Variants in C2CD5 observed in about 807,000 individuals in gnomAD.
C2CD5 encodes the protein C2 calcium dependent domain containing 5.
C2CD5 carries 109 observed loss-of-function variants against 130.3 expected under a neutral mutation model. The ratio of observed to expected loss-of-function variants is 0.84; its 90% CI spans 0.72 to 0.98. C2CD5 has a LOEUF of 0.98. C2CD5 is among the 50% of genes least tolerant of loss of function. The probability of loss-of-function intolerance (pLI) is 0.00; values close to 1 mark genes in which losing one functional copy is unlikely to be tolerated. For synonymous variants in C2CD5, 454 were observed against 429.2 expected, an observed-to-expected ratio of 1.06 and a Z score of -0.71; for missense variants, 996 against 1,261.8, an observed-to-expected ratio of 0.79 and a Z score of 3.19.
chr12:22,503,099 A>T (rs535437318), intron 10 of C2CD5, among the ~76,000 whole-genome samples: 1 of 152,292 alleles, frequency 6.6e-6, no homozygotes, highest in Admixed American at 6.5e-5. Context: ...ATGTTCTTTA[A>T]AAAAGCCTCC....
Position 22,484,710 on chromosome 12 carries a change from G to C in C2CD5, c.1537C>G (p.Leu513Val), listed in dbSNP as rs780993048. ...TCACAAACATACCTTGCTTGAATAA[G>C]ACAACCTTTTCCAATAACTGTTGCA... ...TDATVIGKGC[L>V]IQARLCRLKK... Residue 513 changes from leucine (L) to valine (V), a missense_variant, in exon 13 of 27, where the codon CTT (leucine) becomes GTT (valine). Coordinates refer to ENST00000446597, the MANE Select transcript of C2CD5 (RefSeq NM_001286176.2). The C allele has an allele frequency of 6.3e-7, 1 of 1,587,722 alleles. No homozygotes were observed. Among genetic ancestry groups the C allele is most frequent in the Admixed American group, 1.8e-5 (1 of 55,538 alleles).
At chr12:22,470,422 T>C (rs1335960588) in intron 21 of C2CD5, among the ~76,000 whole-genome samples, 1 of 152,092 alleles carries the variant, frequency 6.6e-6, no homozygotes, top group South Asian at 2.1e-4. Flanking sequence ...GCCACCTTTG[T>C]GAATCTGTTG....
chr12:22,474,879 C>T lies in C2CD5; in HGVS notation c.1915G>A (p.Glu639Lys), dbSNP rs1943614563. 6.3e-6 allele frequency: 10 copies of T among 1,575,620 alleles called. No individual in the cohort carries two copies. The highest frequency in any genetic ancestry group is 8.6e-6 in the Non-Finnish European group (10 of 1,160,690). ...TCTGGGATGGGTGATCCTATAATCT[C>T]TTCAGATATCTCCTAAAAGAAATAT... ...YEINPPEISEEIIGSPIPEPR... is the reference protein window; with the variant it reads ...YEINPPEISEKIIGSPIPEPR... Residue 639 changes from glutamate to lysine, a missense_variant, in exon 16 of 27, where the codon GAG (glutamate) becomes AAG (lysine). Glu to Lys is a moderately conservative substitution (Grantham distance 56). This residue lies in a region of C2CD5 where 590 missense variants were observed against 631.4 expected (regional missense o/e 0.93). Transcript: ENST00000446597.
chr12:22,485,792 T>A (rs1354215898), intron 12 of C2CD5, among the ~76,000 whole-genome samples: 1 of 152,056 alleles, frequency 6.6e-6, no homozygotes. Context: ...ACATAAGGCA[T>A]AAAAATAAAA....
intron 2 of C2CD5, among the ~76,000 whole-genome samples, chr12:22,536,769 A>T (rs1214469260): frequency 1.3e-5 from 2 of 152,176 alleles, no homozygotes; most frequent in African/African-American, 4.8e-5. Flanking sequence ...TGGTGTAAGA[A>T]GAAAGTAAGG....
chr12:22,516,442 C>T (rs146809875), intron 8 of C2CD5, among the ~76,000 whole-genome samples: 1 of 150,884 alleles, frequency 6.6e-6, no homozygotes, highest in Non-Finnish European at 1.5e-5. Context: ...GAGAATAACA[C>T]CCCATTTGAG....
intron 12 of C2CD5, among the ~76,000 whole-genome samples, chr12:22,485,384 GC>G (rs1945344493): frequency 6.6e-6 from 1 of 151,658 alleles, no homozygotes; most frequent in African/African-American, 2.4e-5. Context: ...ATAAGACCTA[GC>G]GTTTGATAGC....
chr12:22,500,826 T>TC (rs11368521), intron 10 of C2CD5, among the ~76,000 whole-genome samples: 24,171 of 152,120 alleles, frequency 0.16, 3,815 homozygotes, highest in African/African-American at 0.41. Flanking sequence ...ATTTTTCTTT[T>TC]TCTTGGAAGT....
rs1385712951 is a variant in C2CD5, at chr12:22,482,090, C to T, written c.1737+467G>A. On this transcript the variant is annotated intron_variant, in intron 14 of 26. Coordinates refer to ENST00000446597, the MANE Select transcript of C2CD5 (RefSeq NM_001286176.2). ...CATCCTGGGGTAATTTTGCTCCACT[C>T]ACCAAGGGACATTTGGCAATTTCTG... Among the ~76,000 whole-genome samples the T allele has an allele frequency of 2.0e-5, 3 of 152,110 alleles. No homozygotes were observed. The South Asian group carries it at 6.2e-4, about 32-fold the overall frequency.
chr12:22,504,257 C>T (rs989485252), intron 10 of C2CD5, among the ~76,000 whole-genome samples: 1 of 151,466 alleles, frequency 6.6e-6, no homozygotes, highest in Non-Finnish European at 1.5e-5. Flanking sequence ...CTATAGCTTA[C>T]TCAGAGTACA....
At chr12:22,466,935 T>C (rs377052715) in intron 22 of C2CD5, among the ~76,000 whole-genome samples, 57 of 152,316 alleles carry the variant, frequency 3.7e-4, no homozygotes, top group African/African-American at 1.3e-3. Flanking sequence ...TTTGAGACCC[T>C]TTCTTCAAGT....
chr12:22,473,427 G>C (rs1943356572), intron 16 of C2CD5, among the ~76,000 whole-genome samples: 1 of 152,086 alleles, frequency 6.6e-6, no homozygotes, highest in African/African-American at 2.4e-5. Context: ...CACTTCACGT[G>C]GCTACCCACA....
intron 11 of C2CD5, among the ~76,000 whole-genome samples, chr12:22,491,003 T>C (rs998933694): frequency 6.6e-6 from 1 of 152,092 alleles, no homozygotes; most frequent in Non-Finnish European, 1.5e-5. Context: ...AGGCTTAAAG[T>C]GTAGGTAGGA....
intron 15 of C2CD5, among the ~76,000 whole-genome samples, chr12:22,475,541 G>A (rs988387730): frequency 4.6e-5 from 7 of 151,972 alleles, no homozygotes; most frequent in African/African-American, 1.2e-4. Context: ...AGTGTCTGTC[G>A]GCCACAAGGA....
chr12:22,516,798 T>C (rs1215727724), intron 8 of C2CD5, among the ~76,000 whole-genome samples: 2 of 151,808 alleles, frequency 1.3e-5, no homozygotes, highest in Non-Finnish European at 2.9e-5. Context: ...CAGAGCCTCT[T>C]ACTCTTTATC....
chr12:22,482,735 C>A lies in C2CD5; in HGVS notation c.1559G>T (p.Arg520Leu). ...KGCLIQARLC[R>L]LKKKAQAEAN... is the part of the protein sequence containing the mutation. The stretch of plus-strand genomic sequence containing the variant: ...TTCTGCCTGTGCTTTCTTTTTTAAG[C>A]GACATAACCTGTAAAGGAAAATAAG... The change falls in exon 14 of 27, where the codon CGC (arginine) becomes CTC (leucine). Residue 520 changes from arginine (R) to leucine (L), a missense_variant. Arg to Leu is a moderately radical substitution (Grantham distance 102). Transcript: ENST00000446597. 1.2e-6 allele frequency: 2 copies of A among 1,612,256 alleles called. No individual in the cohort carries two copies. Among genetic ancestry groups the A allele is most frequent in the Non-Finnish European group, 1.7e-6 (2 of 1,178,714 alleles).
At chr12:22,453,873 A>G in intron 26 of C2CD5, 23 bp downstream of exon 26, 1 of 1,606,726 alleles carries the variant, frequency 6.2e-7, no homozygotes, top group Non-Finnish European at 8.5e-7. Context: ...CCCGCCAATC[A>G]GGAATTTTTA....
At chr12:22,508,620 A>G (rs1342582270) in intron 9 of C2CD5, among the ~76,000 whole-genome samples, 3 of 152,204 alleles carry the variant, frequency 2.0e-5, no homozygotes, top group Admixed American at 1.3e-4. Context: ...ATTACACAAT[A>G]TAAGTATTAA....
chr12:22,472,547 C>CTAAAAA lies in C2CD5; in HGVS notation c.2107+191_2107+196dup, dbSNP rs998609023. The CTAAAAA allele has an allele frequency of 2.3e-5, 14 of 621,274 alleles. No homozygotes were observed. The African/African-American group carries it at 2.6e-4, about 12-fold the overall frequency. The allele number at this position is 621,274 out of a possible 1,614,324, so 38.5% of individuals were successfully genotyped here. On this transcript the variant is annotated intron_variant, in intron 17 of 26. Transcript: ENST00000446597. ...TTTTCCGTGTATAAATATAAAAGGA[C>CTAAAAA]TAAAAATCACTTCCACCTAAGTTCT... is the stretch of plus-strand genomic sequence containing the variant.
Sources: gnomAD v4.1 joint callset for allele counts (sites outside exome capture counted in the v4.1 genomes callset) on GRCh38, gnomAD v4.1.1 for gene constraint, gnomAD v4.1.1 regional missense constraint, MANE v1.5 for transcripts, NCBI Gene and HGNC (gene_info 2026-07-23, HGNC 2026-07-21) for gene names.